The following CACNA2D1 variants were observed in gnomAD, a reference collection of about 807,000 sequenced individuals.
CACNA2D1 encodes voltage-dependent calcium channel subunit alpha-2/delta-1.
CACNA2D1 carries 53 observed loss-of-function variants against 171.5 expected under a neutral mutation model. That is an observed-to-expected ratio of 0.31 (90% CI 0.25 to 0.39). The LOEUF is 0.39. Ranked by LOEUF, CACNA2D1 falls within the 10% of genes least tolerant of loss-of-function variation. CACNA2D1 has a pLI of 1.00. For missense variants in CACNA2D1, 903 were observed against 1,299.8 expected (o/e 0.69, Z 4.69); for synonymous variants, 442 against 443.1 (o/e 1.00, Z 0.03).
intron 3 of CACNA2D1, among the ~76,000 whole-genome samples, chr7:82,272,576 T>C (rs1808780240): frequency 6.6e-6 from 1 of 152,066 alleles, no homozygotes; most frequent in South Asian, 2.1e-4. Flanking sequence ...CATGGTTAGG[T>C]GTTGTGGAAA....
Position 82,400,962 on chromosome 7 carries a change from T to C in CACNA2D1, c.95+42403A>G, listed in dbSNP as rs375026570. Among the ~76,000 whole-genome samples, 125 of 152,204 alleles carry C rather than the reference T, an allele frequency of 8.2e-4. No homozygotes were observed. In the East Asian group the frequency reaches 0.013, roughly 16 times the overall value. On this transcript the variant is annotated intron_variant, in intron 1 of 38. Coordinates refer to ENST00000356860, the MANE Select transcript of CACNA2D1 (RefSeq NM_000722.4). Reference sequence around the variant, plus strand: ...CAAAAAACACATGAAAAAATGCTCATCATCACTGGCCGTCAGAGAAATGCA... The same window carrying C: ...CAAAAAACACATGAAAAAATGCTCACCATCACTGGCCGTCAGAGAAATGCA...
At chr7:82,143,202 A>C (rs775451449) in intron 4 of CACNA2D1, among the ~76,000 whole-genome samples, 3 of 152,208 alleles carry the variant, frequency 2.0e-5, no homozygotes, top group Non-Finnish European at 4.4e-5. Flanking sequence ...AAAAGAAAAA[A>C]TAAAGATGGA....
chr7:82,110,426 C>T (rs899864513), intron 6 of CACNA2D1, among the ~76,000 whole-genome samples: 5 of 152,194 alleles, frequency 3.3e-5, no homozygotes, highest in African/African-American at 1.2e-4. Flanking sequence ...AAAATTCTTA[C>T]TGGGCACCAA....
At chr7:82,322,504 C>T (rs1052508264) in intron 3 of CACNA2D1, among the ~76,000 whole-genome samples, 8 of 151,234 alleles carry the variant, frequency 5.3e-5, no homozygotes, top group African/African-American at 1.7e-4. Flanking sequence ...GCATATGTCT[C>T]GCTACTCAAG....
intron 4 of CACNA2D1, among the ~76,000 whole-genome samples, chr7:82,140,354 C>T (rs922562313): frequency 6.6e-6 from 1 of 152,164 alleles, no homozygotes; most frequent in African/African-American, 2.4e-5. Flanking sequence ...GGCTTAGGAG[C>T]ATTTTTACAA....
At chr7:82,188,057 T>G (rs957578275) in intron 3 of CACNA2D1, among the ~76,000 whole-genome samples, 1 of 152,150 alleles carries the variant, frequency 6.6e-6, no homozygotes, top group African/African-American at 2.4e-5. Flanking sequence ...ATGACAGAAT[T>G]GGTGAGGGAG....
At chr7:82,288,791 C>G (rs762103246) in intron 3 of CACNA2D1, among the ~76,000 whole-genome samples, 1 of 152,166 alleles carries the variant, frequency 6.6e-6, no homozygotes, top group Non-Finnish European at 1.5e-5. Flanking sequence ...GGCATGAATT[C>G]TCTGTGTGTT....
chr7:82,283,633 GATTCTTATATAC>G (rs1217157635), intron 3 of CACNA2D1, among the ~76,000 whole-genome samples: 1 of 151,980 alleles, frequency 6.6e-6, no homozygotes, highest in Non-Finnish European at 1.5e-5. Flanking sequence ...ATAGGAGGAA[GATTCTTATATAC>G]TAACAATCAC....
At chr7:82,417,288 C>A (rs113096075) in intron 1 of CACNA2D1, among the ~76,000 whole-genome samples, 2,191 of 152,196 alleles carry the variant, frequency 0.014, 50 homozygotes, top group African/African-American at 0.05. Flanking sequence ...CAGGCAAAAA[C>A]CAGAGGATTC....
At chr7:82,406,355 A>G (rs1365434289) in intron 1 of CACNA2D1, among the ~76,000 whole-genome samples, 2 of 152,178 alleles carry the variant, frequency 1.3e-5, no homozygotes, top group Non-Finnish European at 2.9e-5. Flanking sequence ...ATAAACATAC[A>G]TGTGCATGTG....
At chr7:82,407,859 G>A (rs1008088007) in intron 1 of CACNA2D1, among the ~76,000 whole-genome samples, 8 of 151,674 alleles carry the variant, frequency 5.3e-5, no homozygotes, top group Non-Finnish European at 1.5e-5. Flanking sequence ...GATAGATTAG[G>A]GATTCTATGC....
chr7:82,195,186 G>T (rs192083000), intron 3 of CACNA2D1, among the ~76,000 whole-genome samples: 1 of 152,060 alleles, frequency 6.6e-6, no homozygotes, highest in East Asian at 1.9e-4. Flanking sequence ...AGATTTAAAA[G>T]AGAGTCCCTA....
In CACNA2D1 at chr7:82,118,757, C is replaced by T. The variant is rs558309200; in HGVS notation, c.397-1584G>A. Among the ~76,000 whole-genome samples, 502 of 152,060 alleles carry T rather than the reference C, an allele frequency of 3.3e-3. 5 individuals are homozygous for T. The highest frequency in any genetic ancestry group is 0.028 in the South Asian group (136 of 4,818). On this transcript the variant is annotated intron_variant, in intron 5 of 38. Coordinates refer to ENST00000356860, the MANE Select transcript of CACNA2D1 (RefSeq NM_000722.4). ...CCATATAAATGGCTTTTAGAAATAA[C>T]TTTAAAATAATAACGTACTTCTCAA...
chr7:82,133,574 T>A (rs1311888006), intron 5 of CACNA2D1, among the ~76,000 whole-genome samples: 1 of 152,162 alleles, frequency 6.6e-6, no homozygotes, highest in Non-Finnish European at 1.5e-5. Flanking sequence ...TGGGAATCTA[T>A]CCTAAAAATA....
intron 1 of CACNA2D1, among the ~76,000 whole-genome samples, chr7:82,407,310 G>A (rs1283133084): frequency 1.3e-5 from 2 of 152,212 alleles, no homozygotes; most frequent in African/African-American, 4.8e-5. Flanking sequence ...CCTTGGGTTA[G>A]AGCTTCTCAT....
intron 3 of CACNA2D1, among the ~76,000 whole-genome samples, chr7:82,194,555 A>G (rs996995465): frequency 1.3e-5 from 2 of 151,934 alleles, no homozygotes; most frequent in African/African-American, 4.8e-5. Flanking sequence ...CTATTAAACT[A>G]AAGTCCAAGC....
At chr7:82,144,921 C>CAT (rs59658568) in intron 4 of CACNA2D1, among the ~76,000 whole-genome samples, 41,027 of 151,586 alleles carry the variant, frequency 0.27, 5,912 homozygotes, top group East Asian at 0.4. Context: ...ATAATGAAAT[C>CAT]ATAATCTGTT....
intron 3 of CACNA2D1, among the ~76,000 whole-genome samples, chr7:82,328,604 G>C (rs1554513459): frequency 1.3e-5 from 2 of 152,042 alleles, no homozygotes; most frequent in Non-Finnish European, 1.5e-5. Flanking sequence ...GCTTTTTCTG[G>C]AATCATCCTT....
At chr7:82,157,819 A>G (rs935066555) in intron 4 of CACNA2D1, among the ~76,000 whole-genome samples, 3 of 152,080 alleles carry the variant, frequency 2.0e-5, no homozygotes, top group African/African-American at 4.8e-5. Flanking sequence ...AAATGCTCAG[A>G]ACATAAATAC....
Sources: allele counts gnomAD v4.1 joint callset (sites outside exome capture counted in the v4.1 genomes callset), GRCh38; gene constraint gnomAD v4.1.1; transcripts MANE v1.5; gene names NCBI Gene and HGNC (gene_info 2026-07-23, HGNC 2026-07-21).